Variants in CFHR3 observed in about 807,000 individuals in gnomAD.
CFHR3 encodes the protein complement factor H-related protein 3.
Under a neutral mutation model 36.0 loss-of-function variants are expected in CFHR3, and 22 were observed. The observed-to-expected ratio is 0.61, with a 90% CI of 0.44 to 0.87. The LOEUF is 0.87. Among genes scored for constraint, CFHR3 ranks in the 40% least tolerant of loss-of-function variants. The probability of loss-of-function intolerance (pLI) is 0.00; values close to 1 mark genes in which losing one functional copy is unlikely to be tolerated. For synonymous variants in CFHR3, 97 were observed against 137.4 expected (o/e 0.71, Z 2.06); for missense variants, 276 against 401.3 (o/e 0.69, Z 2.67).
chr1:196,784,767 T>C (rs1379420208), intron 3 of CFHR3, among the ~76,000 whole-genome samples: 1 of 135,840 alleles, frequency 7.4e-6, no homozygotes, highest in Non-Finnish European at 1.6e-5. Flanking sequence ...AATTTGCCAG[T>C]CTGTGTCTTT....
At chr1:196,781,058 G>T (rs36039554) in intron 3 of CFHR3, among the ~76,000 whole-genome samples, 37,950 of 125,364 alleles carry the variant, frequency 0.3, 10,790 homozygotes, top group East Asian at 0.53. Flanking sequence ...GGTGTTTGGT[G>T]TTTTGTCCTT....
chr1:196,786,576 G>A (rs1298887604), intron 3 of CFHR3, among the ~76,000 whole-genome samples: 2 of 136,058 alleles, frequency 1.5e-5, no homozygotes, highest in Non-Finnish European at 3.1e-5. Context: ...CTAGCAATCA[G>A]AGAGACTCCG....
chr1:196,789,816 C>T lies in CFHR3; in HGVS notation c.614-229C>T, dbSNP rs1292377101. On this transcript the variant is annotated intron_variant, in intron 4 of 5. Transcript: ENST00000367425. ...ATTAAATAAAATAATAAATAGACAC[C>T]TACATATGTATATGTACACATATGT... 1.8e-5 allele frequency: 21 copies of T among 1,179,034 alleles called. 1 individual carries two copies. In the African/African-American group the frequency reaches 2.1e-4, roughly 12 times the overall value. The allele number at this position is 1,179,034 out of a possible 1,614,324, so 73.0% of individuals were successfully genotyped here. A position where few individuals can be genotyped will look rare whatever the true frequency, so the allele number is the denominator to read the frequency against.
At position 196,787,963 on chromosome 1, in the gene CFHR3, A is replaced by C. The variant is rs390154; in HGVS notation, c.431-253A>C. 0.31 allele frequency among the ~76,000 whole-genome samples: 41,862 copies of C among 135,558 alleles called. 12,644 individuals are homozygous for C. The highest frequency in any genetic ancestry group is 0.54 in the African/African-American group (17,315 of 32,212). The allele number at this position is 135,558 out of a possible 152,430, so 88.9% of individuals were successfully genotyped here. ...TCTCCTAGATCTGCACTCCTCAAGG[A>C]CTGCCAGAGCTCTGTTGACAGTCTC... is the stretch of plus-strand genomic sequence containing the variant. On this transcript the variant is annotated intron_variant, in intron 3 of 5. Coordinates refer to ENST00000367425, the MANE Select transcript of CFHR3 (RefSeq NM_021023.6).
intron 3 of CFHR3, among the ~76,000 whole-genome samples, chr1:196,780,850 T>G (rs1292844988): frequency 1.5e-5 from 2 of 133,788 alleles, no homozygotes; most frequent in Admixed American, 1.4e-4. Context: ...GTGCACAATG[T>G]GCAGGTTAGT....
intron 3 of CFHR3, among the ~76,000 whole-genome samples, chr1:196,783,358 G>T (rs1490537954): frequency 1.5e-5 from 2 of 134,196 alleles, no homozygotes; most frequent in Non-Finnish European, 3.1e-5. Context: ...CTATTGATTG[G>T]AATAGTTTCA....
intron 1 of CFHR3, among the ~76,000 whole-genome samples, chr1:196,777,995 AAAAAAAAG>A (rs1472392081): frequency 7.5e-6 from 1 of 133,556 alleles, no homozygotes; most frequent in Admixed American, 7.3e-5. Context: ...AAAAAAAAAA[AAAAAAAAG>A]AAAAGAAAGA....
At position 196,792,713 on chromosome 1, in the gene CFHR3, T is replaced by G. The variant is rs1390077012; in HGVS notation, c.797-604T>G. 3.0e-5 allele frequency among the ~76,000 whole-genome samples: 4 copies of G among 135,532 alleles called. 2 individuals are homozygous for G. Among genetic ancestry groups the G allele is most frequent in the African/African-American group, 6.2e-5 (2 of 32,278 alleles). The allele number at this position is 135,532 out of a possible 152,430, so 88.9% of individuals were successfully genotyped here. ...CCTTGCCTCTCTTTAAAATAGAAAA[T>G]GAAGATGACAGGGATAGATGATGTT... On this transcript the variant is annotated intron_variant, in intron 5 of 5. Transcript: ENST00000367425.
At position 196,787,376 on chromosome 1, in the gene CFHR3, G is replaced by T. The variant is rs1395268613; in HGVS notation, c.431-840G>T. Among the ~76,000 whole-genome samples the T allele has an allele frequency of 2.9e-5, 4 of 137,006 alleles. 1 individual carries two copies. Among genetic ancestry groups the T allele is most frequent in the African/African-American group, 6.1e-5 (2 of 32,774 alleles). 89.9% of individuals were successfully genotyped at this position (137,006 alleles called of 152,430 possible). A position where few individuals can be genotyped will look rare whatever the true frequency, so the allele number is the denominator to read the frequency against. On this transcript the variant is annotated intron_variant, in intron 3 of 5. Coordinates refer to ENST00000367425, the MANE Select transcript of CFHR3 (RefSeq NM_021023.6). ...ATTAATAGGAAAGTAGGCAAGAATA[G>T]ATCAGAAAACTCATGATTATGACAA... is the stretch of plus-strand genomic sequence containing the variant.
At position 196,794,651 on chromosome 1, in the gene CFHR3, A is replaced by G. The variant is rs778268519; in HGVS notation, c.*1138A>G. The G allele has an allele frequency of 1.6e-5, 6 of 381,184 alleles. 2 individuals carry two copies. Among genetic ancestry groups the G allele is most frequent in the South Asian group, 1.3e-4 (6 of 45,958 alleles). 23.6% of individuals were successfully genotyped at this position (381,184 alleles called of 1,614,324 possible). On this transcript the variant is annotated 3_prime_UTR_variant, in exon 6 of 6. Coordinates refer to ENST00000367425, the MANE Select transcript of CFHR3 (RefSeq NM_021023.6). ...GTCTTTTCTCCTGTTAATTGCCTTC[A>G]CTCTCTTTCTGTTCTGTACTTTTCT...
intron 3 of CFHR3, among the ~76,000 whole-genome samples, chr1:196,784,907 T>C (rs201054620): frequency 1.5e-5 from 2 of 137,288 alleles, no homozygotes; most frequent in African/African-American, 6.1e-5. Flanking sequence ...CTCGATGGTC[T>C]TTACATTTTG....
At chr1:196,783,387 G>T (rs1297312136) in intron 3 of CFHR3, among the ~76,000 whole-genome samples, 1 of 132,436 alleles carries the variant, frequency 7.6e-6, no homozygotes, top group Non-Finnish European at 1.6e-5. Flanking sequence ...GGTACCAGTT[G>T]CTCCTTGTAC....
rs1653856436 is a variant in CFHR3, at chr1:196,779,433, T to C, written c.253+77T>C. Reference sequence around the variant, plus strand: ...GAGAGGAGAGCACATAATTGATTACTCTTGTCTTATGTAACAGAAATAGGG... The same window carrying C: ...GAGAGGAGAGCACATAATTGATTACCCTTGTCTTATGTAACAGAAATAGGG... On this transcript the variant is annotated intron_variant, in intron 2 of 5. Coordinates refer to ENST00000367425, the MANE Select transcript of CFHR3 (RefSeq NM_021023.6). 3.5e-6 allele frequency: 4 copies of C among 1,140,540 alleles called. 1 individual carries two copies. Among genetic ancestry groups the C allele is most frequent in the Non-Finnish European group, 3.8e-6 (3 of 783,802 alleles). The allele number at this position is 1,140,540 out of a possible 1,614,324, so 70.7% of individuals were successfully genotyped here.
intron 1 of CFHR3, 55 bp from the exon 2 acceptor site, chr1:196,779,107 A>G: frequency 7.8e-7 from 1 of 1,279,410 alleles, no homozygotes; most frequent in Non-Finnish European, 1.1e-6. Context: ...TATCTCTAAT[A>G]TGATTTATTA....
At position 196,776,221 on chromosome 1, in the gene CFHR3, T is replaced by G. The variant is rs1653712012; in HGVS notation, c.58+1277T>G. ...ATAGAAAAGAATGATGACAAATTCT[T>G]TCTTATCTGATATTCCAGTGGAAAA... On this transcript the variant is annotated intron_variant, in intron 1 of 5. Transcript: ENST00000367425. Among the ~76,000 whole-genome samples, 5 of 134,078 alleles carry G rather than the reference T, an allele frequency of 3.7e-5. 1 individual carries two copies. The highest frequency in any genetic ancestry group is 1.6e-4 in the African/African-American group (5 of 32,224). The allele number at this position is 134,078 out of a possible 152,430, so 88.0% of individuals were successfully genotyped here.
intron 3 of CFHR3, among the ~76,000 whole-genome samples, chr1:196,781,716 G>A (rs1474430167): frequency 7.4e-6 from 1 of 134,584 alleles, no homozygotes; most frequent in Non-Finnish European, 1.6e-5. Context: ...TTTGTCAGAT[G>A]AGTAGGTTGC....
rs1235164890 is a variant in CFHR3 at position 196,788,748 on chromosome 1, C to T, written c.613+350C>T. 228 of 1,450,266 alleles carry T rather than the reference C, an allele frequency of 1.6e-4. 34 individuals are homozygous for T. The highest frequency in any genetic ancestry group is 2.0e-4 in the Non-Finnish European group (214 of 1,093,802). The allele number at this position is 1,450,266 out of a possible 1,614,324, so 89.8% of individuals were successfully genotyped here. A position where few individuals can be genotyped will look rare whatever the true frequency, so the allele number is the denominator to read the frequency against. On this transcript the variant is annotated intron_variant, in intron 4 of 5. Transcript: ENST00000367425. The stretch of plus-strand genomic sequence containing the variant: ...CTTTGTATTTCAAAATTATCAGCTG[C>T]TTGTATTGCATTCCGTGCTCACGCT...
Position 196,795,119 on chromosome 1 carries a change from G to A in CFHR3, c.*1606G>A, listed in dbSNP as rs1328604242. 2 of 136,374 alleles carry A rather than the reference G, an allele frequency of 1.5e-5. No homozygotes were observed. Among genetic ancestry groups the A allele is most frequent in the African/African-American group, 3.1e-5 (1 of 32,172 alleles). 8.4% of individuals were successfully genotyped at this position (136,374 alleles called of 1,614,324 possible). A position where few individuals can be genotyped will look rare whatever the true frequency, so the allele number is the denominator to read the frequency against. ...AAATAATTGCTGATATGGTTTGGCT[G>A]TGTCCCACCCAATTTTCACCTTGAA... On this transcript the variant is annotated 3_prime_UTR_variant, in exon 6 of 6. Coordinates refer to ENST00000367425, the MANE Select transcript of CFHR3 (RefSeq NM_021023.6).
In CFHR3 at chr1:196,789,694, T is replaced by C. The variant is rs981395060; in HGVS notation, c.614-351T>C. 140 of 1,477,554 alleles carry C rather than the reference T, an allele frequency of 9.5e-5. 18 individuals are homozygous for C. In the East Asian group the frequency reaches 1.9e-3, roughly 20 times the overall value. The allele number at this position is 1,477,554 out of a possible 1,614,324, so 91.5% of individuals were successfully genotyped here. A position where few individuals can be genotyped will look rare whatever the true frequency, so the allele number is the denominator to read the frequency against. ...GCTACGATGGATATGAAATCAGTTA[T>C]GGAAACACCACAGGTTCCATAGTGT... On this transcript the variant is annotated intron_variant, in intron 4 of 5. Transcript: ENST00000367425.
Sources: gnomAD v4.1 joint callset for allele counts (sites outside exome capture counted in the v4.1 genomes callset) on GRCh38, gnomAD v4.1.1 for gene constraint, MANE v1.5 for transcripts, NCBI Gene and HGNC (gene_info 2026-07-23, HGNC 2026-07-21) for gene names.